CHSY3: variants seen among roughly 807,000 people sequenced by gnomAD.
CHSY3 encodes chondroitin sulfate synthase 3, also known as N-acetylgalactosaminyl-proteoglycan 3-beta-glucuronosyltransferase 3.
In CHSY3, 35 loss-of-function variants were observed where a neutral mutation model predicts 67.2. That is an observed-to-expected ratio of 0.52 (90% CI 0.40 to 0.69). The LOEUF is 0.69. CHSY3 is among the 30% of genes least tolerant of loss of function. The pLI is 0.00. For synonymous variants in CHSY3, 474 were observed against 434.7 expected (o/e 1.09, Z -1.12); for missense variants, 1,069 against 1,138.5 (o/e 0.94, Z 0.88).
At chr5:130,086,380 C>T (rs1580719187) in intron 2 of CHSY3, among the ~76,000 whole-genome samples, 1 of 151,940 alleles carries the variant, frequency 6.6e-6, no homozygotes, top group African/African-American at 2.4e-5. Context: ...TTCTTTGTCT[C>T]TTTTGATCTT....
chr5:130,170,648 G>A (rs1769872117), intron 2 of CHSY3, among the ~76,000 whole-genome samples: 1 of 151,960 alleles, frequency 6.6e-6, no homozygotes, highest in Admixed American at 6.6e-5. Flanking sequence ...ATGCCAACAT[G>A]TTGTTTTTTG....
At position 129,919,971 on chromosome 5, in the gene CHSY3, A is replaced by C. The variant is rs148910694; in HGVS notation, c.1086+11611A>C. 1.2e-4 allele frequency among the ~76,000 whole-genome samples: 19 copies of C among 152,254 alleles called. No homozygotes were observed. In the East Asian group the frequency reaches 3.7e-3, roughly 29 times the overall value. On this transcript the variant is annotated intron_variant, in intron 2 of 2. Coordinates refer to ENST00000305031, the MANE Select transcript of CHSY3 (RefSeq NM_175856.5). Reference sequence around the variant, plus strand: ...TTTCTGAAGAGAACATTCAAGATTTACTCTTAGTTATGTTGAAATGTACAG... The same window carrying C: ...TTTCTGAAGAGAACATTCAAGATTTCCTCTTAGTTATGTTGAAATGTACAG...
At chr5:130,114,885 A>G (rs577817130) in intron 2 of CHSY3, among the ~76,000 whole-genome samples, 17 of 152,232 alleles carry the variant, frequency 1.1e-4, no homozygotes, top group South Asian at 4.1e-4. Context: ...CTACAGGACC[A>G]TCTGTCCTTA....
intron 2 of CHSY3, among the ~76,000 whole-genome samples, chr5:130,030,345 ATC>A (rs1764671490): frequency 6.6e-6 from 1 of 152,124 alleles, no homozygotes; most frequent in Non-Finnish European, 1.5e-5. Flanking sequence ...CATTTCCTTT[ATC>A]CTATGTCAGA....
At chr5:130,110,004 T>C (rs532651288) in intron 2 of CHSY3, among the ~76,000 whole-genome samples, 1 of 151,968 alleles carries the variant, frequency 6.6e-6, no homozygotes, top group East Asian at 1.9e-4. Context: ...TTATAATTAA[T>C]TACTAAAGAA....
intron 2 of CHSY3, among the ~76,000 whole-genome samples, chr5:130,145,119 C>T (rs1395957089): frequency 1.3e-5 from 2 of 152,162 alleles, no homozygotes; most frequent in African/African-American, 2.4e-5. Flanking sequence ...AGAAACCACC[C>T]ACACAACCCA....
rs10064765 is a variant in CHSY3 at position 130,171,053 on chromosome 5, A to G, written c.1087-13176A>G. ...GCGTGTTTGCAAAATGGCAACTTGC[A>G]AACGTAATATTCTTCTTTACCTCCT... On this transcript the variant is annotated intron_variant, in intron 2 of 2. Transcript: ENST00000305031. 1.7e-3 allele frequency among the ~76,000 whole-genome samples: 255 copies of G among 152,288 alleles called. 3 individuals carry two copies. The highest frequency in any genetic ancestry group is 6.0e-3 in the African/African-American group (248 of 41,566).
intron 2 of CHSY3, chr5:130,140,916 T>C (rs761631050): frequency 5.2e-6 from 4 of 765,236 alleles, no homozygotes; most frequent in Non-Finnish European, 6.5e-6. Flanking sequence ...ACCTCCATTT[T>C]CCATGCCTTA....
chr5:130,056,806 GT>G (rs1765543952), intron 2 of CHSY3, among the ~76,000 whole-genome samples: 2 of 151,396 alleles, frequency 1.3e-5, no homozygotes, highest in South Asian at 2.1e-4. Context: ...AATAATAAGA[GT>G]ATCTGTTTGA....
chr5:130,064,873 G>T (rs1765833294), intron 2 of CHSY3, among the ~76,000 whole-genome samples: 1 of 152,180 alleles, frequency 6.6e-6, no homozygotes, highest in Non-Finnish European at 1.5e-5. Context: ...CTTTGTATTA[G>T]ATTTAAGGAC....
intron 2 of CHSY3, among the ~76,000 whole-genome samples, chr5:129,980,715 T>C (rs1447005083): frequency 6.6e-6 from 1 of 152,188 alleles, no homozygotes; most frequent in Non-Finnish European, 1.5e-5. Context: ...TTCTAGGTTT[T>C]CTCCTATGTT....
At chr5:129,914,038 T>C (rs962457455) in intron 2 of CHSY3, among the ~76,000 whole-genome samples, 1 of 152,192 alleles carries the variant, frequency 6.6e-6, no homozygotes, top group African/African-American at 2.4e-5. Context: ...TAATAACATA[T>C]TTTTAAGGTT....
intron 2 of CHSY3, among the ~76,000 whole-genome samples, chr5:130,148,200 T>C (rs1043348905): frequency 1.3e-5 from 2 of 152,210 alleles, no homozygotes; most frequent in Non-Finnish European, 2.9e-5. Flanking sequence ...GGTCTCTAGC[T>C]CCGTTCATGT....
chr5:129,966,687 T>C (rs1472396067), intron 2 of CHSY3, among the ~76,000 whole-genome samples: 1 of 151,766 alleles, frequency 6.6e-6, no homozygotes, highest in Non-Finnish European at 1.5e-5. Context: ...ACATGGAACT[T>C]TTGCAGCTCC....
intron 2 of CHSY3, among the ~76,000 whole-genome samples, chr5:130,104,440 G>A (rs1463523203): frequency 6.6e-6 from 1 of 151,792 alleles, no homozygotes; most frequent in African/African-American, 2.4e-5. Flanking sequence ...TTTTGTTGAT[G>A]AAACAAAATA....
At chr5:130,060,002 G>A (rs1322911890) in intron 2 of CHSY3, among the ~76,000 whole-genome samples, 1 of 151,704 alleles carries the variant, frequency 6.6e-6, no homozygotes, top group Non-Finnish European at 1.5e-5. Flanking sequence ...AAAAAAAACT[G>A]GTACCGGTCT....
At chr5:130,008,917 A>G (rs1763965534) in intron 2 of CHSY3, among the ~76,000 whole-genome samples, 1 of 152,242 alleles carries the variant, frequency 6.6e-6, no homozygotes, top group Admixed American at 6.5e-5. Context: ...AAAATAAAGA[A>G]AAAAGAATTT....
chr5:129,992,810 G>C lies in CHSY3; in HGVS notation c.1086+84450G>C, dbSNP rs574935963. 4.6e-5 allele frequency among the ~76,000 whole-genome samples: 7 copies of C among 152,264 alleles called. No individual in the cohort carries two copies. In the South Asian group the frequency reaches 1.5e-3, roughly 32 times the overall value. On this transcript the variant is annotated intron_variant, in intron 2 of 2. Transcript: ENST00000305031. The stretch of plus-strand genomic sequence containing the variant: ...AACCATTGCTAATAGTAACATGCTG[G>C]TCTGTTTGAGGCAATTTCCTTGCAA...
intron 2 of CHSY3, among the ~76,000 whole-genome samples, chr5:130,132,019 T>G (rs1330052129): frequency 1.3e-5 from 2 of 152,172 alleles, no homozygotes; most frequent in Non-Finnish European, 2.9e-5. Context: ...GCCACCTTAT[T>G]TAAAGCAAGC....
Sources: allele counts gnomAD v4.1 joint callset (sites outside exome capture counted in the v4.1 genomes callset), GRCh38; gene constraint gnomAD v4.1.1; transcripts MANE v1.5; gene names NCBI Gene and HGNC (gene_info 2026-07-23, HGNC 2026-07-21).